The following NLGN1 variants were observed in gnomAD, a reference collection of about 807,000 sequenced individuals.
The protein encoded by NLGN1 is neuroligin-1.
Under a neutral mutation model 65.5 loss-of-function variants are expected in NLGN1, and 12 were observed. The ratio of observed to expected loss-of-function variants is 0.18; its 90% CI spans 0.12 to 0.30. NLGN1 has a LOEUF of 0.30. Among genes scored for constraint, NLGN1 ranks in the 10% least tolerant of loss-of-function variants. The pLI, the probability that NLGN1 is intolerant of heterozygous loss-of-function variation, is 1.00. For missense variants in NLGN1, 750 were observed against 1,007.1 expected (o/e 0.74, Z 3.46); for synonymous variants, 350 against 359.5 (o/e 0.97, Z 0.30).
intron 3 of NLGN1, among the ~76,000 whole-genome samples, chr3:173,777,631 G>GTCTGTCTGTCTA (rs1216215896): frequency 5.6e-5 from 2 of 35,892 alleles, no homozygotes; most frequent in African/African-American, 1.3e-4. Flanking sequence ...CTGTCTGTCT[G>GTCTGTCTGTCTA]TCTATCTATC....
chr3:173,846,063 G>A (rs1242974696), intron 4 of NLGN1, among the ~76,000 whole-genome samples: 1 of 152,096 alleles, frequency 6.6e-6, no homozygotes, highest in Non-Finnish European at 1.5e-5. Flanking sequence ...TTATAGGCAT[G>A]TACCACCACT....
intron 1 of NLGN1, among the ~76,000 whole-genome samples, chr3:173,420,089 A>C (rs1189741129): frequency 6.9e-6 from 1 of 145,178 alleles, no homozygotes; most frequent in Non-Finnish European, 1.5e-5. Flanking sequence ...TATTATTATT[A>C]TTATACTTTA....
intron 3 of NLGN1, among the ~76,000 whole-genome samples, chr3:173,684,863 C>T (rs943781622): frequency 1.3e-5 from 2 of 152,148 alleles, no homozygotes; most frequent in Non-Finnish European, 2.9e-5. Flanking sequence ...AAAATTAATA[C>T]ATAACAGTGG....
intron 3 of NLGN1, among the ~76,000 whole-genome samples, chr3:173,634,727 AG>A (rs1477411163): frequency 6.6e-6 from 1 of 152,134 alleles, no homozygotes; most frequent in Admixed American, 6.6e-5. Context: ...ATATTTTAGG[AG>A]GATTGCTCAT....
intron 4 of NLGN1, among the ~76,000 whole-genome samples, chr3:174,200,268 G>A (rs1426803114): frequency 6.6e-6 from 1 of 152,136 alleles, no homozygotes; most frequent in Non-Finnish European, 1.5e-5. Context: ...CACATAATAG[G>A]CAATGAATAA....
chr3:173,921,079 C>A (rs1741913596), intron 4 of NLGN1, among the ~76,000 whole-genome samples: 1 of 150,416 alleles, frequency 6.6e-6, no homozygotes, highest in African/African-American at 2.4e-5. Flanking sequence ...TGAGTTAAAC[C>A]TCAAAAATCC....
chr3:173,974,048 A>T (rs1716879576), intron 4 of NLGN1, among the ~76,000 whole-genome samples: 1 of 152,068 alleles, frequency 6.6e-6, no homozygotes, highest in African/African-American at 2.4e-5. Context: ...ACATATGGTA[A>T]TTACAACTGT....
At chr3:174,123,629 C>G (rs1718240324) in intron 4 of NLGN1, among the ~76,000 whole-genome samples, 1 of 152,050 alleles carries the variant, frequency 6.6e-6, no homozygotes, top group African/African-American at 2.4e-5. Context: ...TTCCCGCTTC[C>G]ATTACTGAAG....
At chr3:173,825,291 G>A (rs1342445625) in intron 4 of NLGN1, among the ~76,000 whole-genome samples, 2 of 151,910 alleles carry the variant, frequency 1.3e-5, no homozygotes, top group Non-Finnish European at 1.5e-5. Flanking sequence ...ATTTTTAAAA[G>A]TAAATTTAAA....
At chr3:174,194,578 C>T (rs1733021855) in intron 4 of NLGN1, among the ~76,000 whole-genome samples, 1 of 151,282 alleles carries the variant, frequency 6.6e-6, no homozygotes, top group South Asian at 2.1e-4. Flanking sequence ...CCCAGATGTA[C>T]AAAAATCATC....
intron 2 of NLGN1, among the ~76,000 whole-genome samples, chr3:173,507,971 C>T (rs1732302584): frequency 6.6e-6 from 1 of 152,142 alleles, no homozygotes; most frequent in Non-Finnish European, 1.5e-5. Flanking sequence ...CCTCATACTA[C>T]CTCATTAATT....
chr3:174,030,987 A>C (rs1729910166), intron 4 of NLGN1, among the ~76,000 whole-genome samples: 1 of 152,240 alleles, frequency 6.6e-6, no homozygotes. Flanking sequence ...CCTGGCCTAC[A>C]GTATAAAACT....
chr3:173,715,612 C>A (rs901169118), intron 3 of NLGN1, among the ~76,000 whole-genome samples: 1 of 152,036 alleles, frequency 6.6e-6, no homozygotes, highest in African/African-American at 2.4e-5. Flanking sequence ...CTTTTATTTT[C>A]TCTTCATTTT....
intron 2 of NLGN1, among the ~76,000 whole-genome samples, chr3:173,445,816 T>A (rs896052403): frequency 5.3e-5 from 8 of 152,202 alleles, no homozygotes; most frequent in Non-Finnish European, 1.0e-4. Flanking sequence ...TTGGGAACAC[T>A]TTAAGTTCAC....
chr3:174,236,266 C>T (rs1259975839), intron 4 of NLGN1, among the ~76,000 whole-genome samples: 2 of 152,056 alleles, frequency 1.3e-5, no homozygotes, highest in Non-Finnish European at 1.5e-5. Context: ...ATCCAAAAAA[C>T]ATGTAATTCA....
At position 173,730,320 on chromosome 3, in the gene NLGN1, G is replaced by GCCCCCCCCCCC. The variant is rs1440876299; in HGVS notation, c.494-77359_494-77358insCCCCCCCCCCC. On this transcript the variant is annotated intron_variant, in intron 3 of 6. Transcript: ENST00000457714. ...AGGTCTAACACACTACTGCCCCACC[G>GCCCCCCCCCCC]CTCCCCCCCCCCCGCAAAAATAGAA... 1.8e-4 allele frequency among the ~76,000 whole-genome samples: 5 copies of GCCCCCCCCCCC among 27,708 alleles called. 1 individual carries two copies. Among genetic ancestry groups the GCCCCCCCCCCC allele is most frequent in the African/African-American group, 3.2e-4 (3 of 9,398 alleles). 18.2% of individuals were successfully genotyped at this position (27,708 alleles called of 152,430 possible).
intron 4 of NLGN1, among the ~76,000 whole-genome samples, chr3:173,949,970 A>G (rs1242136647): frequency 6.6e-6 from 1 of 152,190 alleles, no homozygotes; most frequent in African/African-American, 2.4e-5. Context: ...TTAGCAATAG[A>G]TATAGTTCTG....
At chr3:174,255,960 T>C (rs1745675044) in intron 4 of NLGN1, among the ~76,000 whole-genome samples, 1 of 152,144 alleles carries the variant, frequency 6.6e-6, no homozygotes, top group Non-Finnish European at 1.5e-5. Context: ...CTCCTGGCCT[T>C]CTTCAACAGA....
chr3:173,475,958 G>A (rs772961811), intron 2 of NLGN1, among the ~76,000 whole-genome samples: 4 of 152,170 alleles, frequency 2.6e-5, no homozygotes, highest in Non-Finnish European at 4.4e-5. Context: ...AAGGAAGGAA[G>A]CAAGTCATTT....
Sources: gnomAD v4.1 joint callset for allele counts (sites outside exome capture counted in the v4.1 genomes callset) on GRCh38, gnomAD v4.1.1 for gene constraint, MANE v1.5 for transcripts, NCBI Gene and HGNC (gene_info 2026-07-23, HGNC 2026-07-21) for gene names.